Variants in ADGB observed in about 807,000 individuals in gnomAD.
ADGB encodes the protein calpain-7-like protein.
In ADGB, 172 loss-of-function variants were observed where a neutral mutation model predicts 210.5. The observed-to-expected ratio is 0.82, with a 90% CI of 0.72 to 0.93. The LOEUF is 0.93. ADGB is among the 40% of genes least tolerant of loss of function. ADGB has a pLI of 0.00. For synonymous variants in ADGB, 658 were observed against 662.7 expected (o/e 0.99, Z 0.11); for missense variants, 2,025 against 1,964.8 (o/e 1.03, Z -0.58).
At chr6:146,800,831 G>A (rs1778119423) in intron 33 of ADGB, among the ~76,000 whole-genome samples, 1 of 152,112 alleles carries the variant, frequency 6.6e-6, no homozygotes, top group South Asian at 2.1e-4. Context: ...ATTAAATACT[G>A]GGCCATTTAA....
At chr6:146,805,404 A>G (rs559862568) in intron 35 of ADGB, among the ~76,000 whole-genome samples, 76 of 152,338 alleles carry the variant, frequency 5.0e-4, no homozygotes, top group African/African-American at 1.7e-3. Flanking sequence ...AAGCTAATAA[A>G]GAGGGAGGGC....
chr6:146,775,513 G>A (rs1777709436), intron 29 of ADGB, among the ~76,000 whole-genome samples: 1 of 152,128 alleles, frequency 6.6e-6, no homozygotes, highest in South Asian at 2.1e-4. Flanking sequence ...ACTTAGTGAT[G>A]TCACCTGCCT....
At chr6:146,683,145 G>A (rs138205097) in intron 9 of ADGB, among the ~76,000 whole-genome samples, 11 of 152,182 alleles carry the variant, frequency 7.2e-5, no homozygotes, top group East Asian at 3.9e-4. Context: ...CTCACCAGGC[G>A]CCAGCACCTT....
chr6:146,618,371 T>C (rs925108716), intron 1 of ADGB, among the ~76,000 whole-genome samples: 1 of 151,930 alleles, frequency 6.6e-6, no homozygotes, highest in African/African-American at 2.4e-5. Context: ...TCGTCAGAAA[T>C]AGCTCTGATA....
At chr6:146,723,948 T>C (rs1236679851) in intron 17 of ADGB, among the ~76,000 whole-genome samples, 1 of 152,190 alleles carries the variant, frequency 6.6e-6, no homozygotes, top group South Asian at 2.1e-4. Context: ...TTCCTATTCC[T>C]GGTTTCTTCA....
At position 146,695,651 on chromosome 6, in the gene ADGB, G is replaced by A. The variant is rs375005657; in HGVS notation, c.1577+2736G>A. 2.0e-4 allele frequency among the ~76,000 whole-genome samples: 31 copies of A among 151,828 alleles called. No homozygotes were observed. The East Asian group carries it at 3.1e-3, about 15-fold the overall frequency. On this transcript the variant is annotated intron_variant, in intron 12 of 35. Transcript: ENST00000397944. ...AAAATTAATTTCCTTAGTTGCATTA[G>A]CAACATTTTAAGTTCTCAGTAGTCA...
At chr6:146,649,961 C>T (rs564558060) in intron 3 of ADGB, among the ~76,000 whole-genome samples, 7 of 152,072 alleles carry the variant, frequency 4.6e-5, no homozygotes, top group South Asian at 2.1e-4. Context: ...CATATCTAAA[C>T]GTGTATATGT....
intron 29 of ADGB, among the ~76,000 whole-genome samples, chr6:146,771,978 G>T (rs1389584466): frequency 6.6e-6 from 1 of 152,098 alleles, no homozygotes; most frequent in Non-Finnish European, 1.5e-5. Flanking sequence ...TTCATGAGTT[G>T]CCTGTAACTC....
intron 33 of ADGB, among the ~76,000 whole-genome samples, chr6:146,800,034 T>C (rs1347918150): frequency 3.3e-5 from 5 of 152,150 alleles, no homozygotes; most frequent in Admixed American, 2.6e-4. Flanking sequence ...GGTCTTGAAC[T>C]CCTGACCTCG....
chr6:146,647,958 A>G (rs1447917506), intron 3 of ADGB, among the ~76,000 whole-genome samples: 1 of 152,068 alleles, frequency 6.6e-6, no homozygotes, highest in Non-Finnish European at 1.5e-5. Flanking sequence ...AAAAATATAT[A>G]TAGTCAACTT....
intron 3 of ADGB, among the ~76,000 whole-genome samples, chr6:146,645,407 T>C (rs1775593741): frequency 1.3e-5 from 2 of 152,020 alleles, no homozygotes; most frequent in Non-Finnish European, 2.9e-5. Context: ...CTTATAGAGA[T>C]TAAGAGATTA....
At chr6:146,601,034 G>A (rs1780549408) in intron 1 of ADGB, among the ~76,000 whole-genome samples, 1 of 151,816 alleles carries the variant, frequency 6.6e-6, no homozygotes, top group African/African-American at 2.4e-5. Flanking sequence ...GGAGCTTCGG[G>A]AAAATCTTGG....
chr6:146,732,521 T>C (rs1777007017), intron 20 of ADGB, among the ~76,000 whole-genome samples: 1 of 151,842 alleles, frequency 6.6e-6, no homozygotes, highest in African/African-American at 2.4e-5. Flanking sequence ...TGGCCCTGAT[T>C]TAATATGTAA....
chr6:146,672,633 A>T (rs1190859038), intron 8 of ADGB, among the ~76,000 whole-genome samples, 166 bp downstream of exon 8: 1 of 152,140 alleles, frequency 6.6e-6, no homozygotes, highest in Non-Finnish European at 1.5e-5. Flanking sequence ...AGAATGAAGT[A>T]AGAAGAGATA....
At chr6:146,616,967 T>C (rs1356738433) in intron 1 of ADGB, among the ~76,000 whole-genome samples, 1 of 152,164 alleles carries the variant, frequency 6.6e-6, no homozygotes, top group Non-Finnish European at 1.5e-5. Flanking sequence ...AATAGTTTTT[T>C]CCATTTCTCT....
At position 146,716,450 on chromosome 6, in the gene ADGB, G is replaced by A. The variant is rs1035130192; in HGVS notation, c.1742-433G>A. Among the ~76,000 whole-genome samples, 49 of 141,890 alleles carry A rather than the reference G, an allele frequency of 3.5e-4. 12 individuals carry two copies. Among genetic ancestry groups the A allele is most frequent in the African/African-American group, 1.4e-3 (44 of 32,494 alleles). 93.1% of individuals were successfully genotyped at this position (141,890 alleles called of 152,430 possible). A position where few individuals can be genotyped will look rare whatever the true frequency, so the allele number is the denominator to read the frequency against. ...ACTAAAAATACAAAAAAAATTAGCC[G>A]GGCGCGGTGGCGGGCGCCTGTAGTC... On this transcript the variant is annotated intron_variant, in intron 14 of 35. Coordinates refer to ENST00000397944, the MANE Select transcript of ADGB (RefSeq NM_024694.4).
At chr6:146,797,020 A>C (rs1583643597) in intron 33 of ADGB, among the ~76,000 whole-genome samples, 1 of 152,144 alleles carries the variant, frequency 6.6e-6, no homozygotes, top group East Asian at 1.9e-4. Context: ...AAATAACCCC[A>C]TCAAAAAGTG....
intron 18 of ADGB, 193 bp downstream of exon 18, chr6:146,724,520 A>G (rs368958214): frequency 4.4e-6 from 2 of 450,140 alleles, no homozygotes; most frequent in Non-Finnish European, 7.6e-6. Flanking sequence ...TGTACAATGA[A>G]TATCCCTTTG....
intron 13 of ADGB, among the ~76,000 whole-genome samples, chr6:146,705,980 G>A (rs1343682069): frequency 6.6e-6 from 1 of 151,972 alleles, no homozygotes; most frequent in African/African-American, 2.4e-5. Flanking sequence ...CTGGAGTGCA[G>A]TGGCATGATC....
Sources: allele counts gnomAD v4.1 joint callset (sites outside exome capture counted in the v4.1 genomes callset), GRCh38; gene constraint gnomAD v4.1.1; transcripts MANE v1.5; gene names NCBI Gene and HGNC (gene_info 2026-07-23, HGNC 2026-07-21).